The following SCN9A variants were observed in gnomAD, a reference collection of about 807,000 sequenced individuals.
SCN9A encodes sodium channel protein type 9 subunit alpha.
Under a neutral mutation model 187.0 loss-of-function variants are expected in SCN9A, and 131 were observed. The ratio of observed to expected loss-of-function variants is 0.70; its 90% CI spans 0.61 to 0.81. The LOEUF (loss-of-function observed/expected upper bound fraction) is 0.81, where lower values mean the gene tolerates loss of function less well. Among genes scored for constraint, SCN9A ranks in the 30% least tolerant of loss-of-function variants. The pLI is 0.00. For synonymous variants in SCN9A, 809 were observed against 808.6 expected (o/e 1.00, Z -0.01); for missense variants, 2,252 against 2,396.6 (o/e 0.94, Z 1.26).
intron 1 of SCN9A, among the ~76,000 whole-genome samples, chr2:166,372,040 T>C (rs1251596604): frequency 2.0e-5 from 3 of 152,012 alleles, no homozygotes; most frequent in African/African-American, 7.3e-5. Context: ...TCTTTAAGCA[T>C]AGTCTGCAAA....
chr2:166,295,649 T>C (rs562914143), intron 7 of SCN9A, among the ~76,000 whole-genome samples: 68 of 152,334 alleles, frequency 4.5e-4, no homozygotes, highest in Non-Finnish European at 7.5e-4. Flanking sequence ...AACATCCTTA[T>C]GTGGTACAAT....
intron 18 of SCN9A, among the ~76,000 whole-genome samples, chr2:166,247,474 T>C (rs58400973): frequency 0.01 from 1,581 of 152,188 alleles, 28 homozygotes; most frequent in African/African-American, 0.035. Flanking sequence ...AGGAAGATGA[T>C]TTGGCTTCTC....
Position 166,286,586 on chromosome 2 carries a change from C to T in SCN9A, c.1352G>A (p.Arg451Lys). The change falls in exon 11 of 27, where the codon AGG becomes AAG. Residue 451 changes from arginine (R) to lysine (K), a missense_variant. Around this residue, in one of 7 missense-constraint regions of SCN9A, gnomAD observed 1,013 missense variants for 997.4 expected, o/e 1.02. Coordinates refer to ENST00000642356, the MANE Select transcript of SCN9A (RefSeq NM_001365536.1). ...AAAAAEYTSIRRSRIMGLSES... is the reference protein window; with the variant it reads ...AAAAAEYTSIKRSRIMGLSES... Reference sequence around the variant, plus strand: ...TGAGAGGCCCATAATTCTGCTTCTCCTAATACTTGTATATTCAGCCGCTGC... The same window carrying T: ...TGAGAGGCCCATAATTCTGCTTCTCTTAATACTTGTATATTCAGCCGCTGC... The T allele has an allele frequency of 1.9e-6, 3 of 1,589,146 alleles. No individual in the cohort carries two copies. The highest frequency in any genetic ancestry group is 2.6e-6 in the Non-Finnish European group (3 of 1,171,196).
chr2:166,207,089 G>A (rs142565184), intron 24 of SCN9A, among the ~76,000 whole-genome samples: 4 of 152,254 alleles, frequency 2.6e-5, no homozygotes, highest in East Asian at 1.9e-4. Context: ...AATTTCTTAA[G>A]TTAGCTGTAA....
At chr2:166,304,529 T>C (rs961037373) in intron 5 of SCN9A, among the ~76,000 whole-genome samples, 200 bp from the exon 6 acceptor site, 2 of 152,114 alleles carry the variant, frequency 1.3e-5, no homozygotes, top group African/African-American at 4.8e-5. Context: ...AGATATTATA[T>C]ATTATTAAAT....
chr2:166,336,903 C>T (rs192233893), intron 1 of SCN9A, among the ~76,000 whole-genome samples: 2 of 152,086 alleles, frequency 1.3e-5, no homozygotes, highest in Admixed American at 6.6e-5. Context: ...TGATTATTTT[C>T]ATTATTTTTA....
At chr2:166,285,868 T>G (rs62178473) in intron 11 of SCN9A, among the ~76,000 whole-genome samples, 2 of 152,178 alleles carry the variant, frequency 1.3e-5, no homozygotes, top group Admixed American at 6.6e-5. Flanking sequence ...ATATTAGTAG[T>G]TGATGTGGTT....
rs201261352 is a variant in SCN9A, at chr2:166,289,681, T to A, written c.1108-1038A>T. On this transcript the variant is annotated intron_variant, in intron 9 of 26. Coordinates refer to ENST00000642356, the MANE Select transcript of SCN9A (RefSeq NM_001365536.1). Reference sequence around the variant, plus strand: ...GTCTTTACCATAGAATGATATGTAATCTTTTGGGTATATACCCAGTAATGG... The same window carrying A: ...GTCTTTACCATAGAATGATATGTAAACTTTTGGGTATATACCCAGTAATGG... Among the ~76,000 whole-genome samples the A allele has an allele frequency of 8.5e-5, 13 of 152,292 alleles. No homozygotes were observed. The East Asian group carries it at 2.3e-3, about 27-fold the overall frequency.
intron 17 of SCN9A, among the ~76,000 whole-genome samples, chr2:166,268,921 C>T (rs992633029): frequency 2.0e-5 from 3 of 151,736 alleles, no homozygotes; most frequent in Non-Finnish European, 2.9e-5. Flanking sequence ...ATGCAGAAAT[C>T]GATGACAACA....
intron 24 of SCN9A, among the ~76,000 whole-genome samples, chr2:166,214,912 T>C (rs552268177): frequency 1.2e-4 from 19 of 152,038 alleles, no homozygotes; most frequent in African/African-American, 4.3e-4. Flanking sequence ...TGCAGTTTCT[T>C]ATTAGAGGAA....
At chr2:166,304,388 G>A in intron 5 of SCN9A, 59 bp from the exon 6 acceptor site, 1 of 1,431,874 alleles carries the variant, frequency 7.0e-7, no homozygotes, top group Non-Finnish European at 9.8e-7. Flanking sequence ...ACTTACCTGA[G>A]CCTTTAGTCA....
intron 20 of SCN9A, among the ~76,000 whole-genome samples, chr2:166,237,512 G>A: frequency 6.6e-6 from 1 of 152,138 alleles, no homozygotes; most frequent in East Asian, 1.9e-4. Context: ...TTGAGATAGA[G>A]ACAATTGTGT....
chr2:166,359,264 T>G (rs1445199708), intron 1 of SCN9A, among the ~76,000 whole-genome samples: 1 of 152,160 alleles, frequency 6.6e-6, no homozygotes, highest in Non-Finnish European at 1.5e-5. Flanking sequence ...TATTTTTATT[T>G]TCATTGGGAT....
chr2:166,202,296 C>CT (rs1051112070), intron 26 of SCN9A, among the ~76,000 whole-genome samples: 5 of 149,498 alleles, frequency 3.3e-5, no homozygotes, highest in Non-Finnish European at 6.0e-5. Context: ...CTACTAGAAT[C>CT]TTTTTTTTTA....
At chr2:166,342,920 A>C (rs996051612) in intron 1 of SCN9A, among the ~76,000 whole-genome samples, 3 of 152,202 alleles carry the variant, frequency 2.0e-5, no homozygotes, top group African/African-American at 7.2e-5. Flanking sequence ...GAACTCAGGC[A>C]AACATGTCCC....
At chr2:166,220,854 A>G (rs1260398701) in intron 24 of SCN9A, among the ~76,000 whole-genome samples, 1 of 150,918 alleles carries the variant, frequency 6.6e-6, no homozygotes, top group Non-Finnish European at 1.5e-5. Context: ...AGACATCCCA[A>G]TCTGAAAGAA....
At chr2:166,298,549 A>C (rs1036080123) in intron 7 of SCN9A, 7 of 152,204 alleles carry the variant, frequency 4.6e-5, no homozygotes, top group Non-Finnish European at 7.3e-5. Flanking sequence ...GGCACCAGAA[A>C]ATGCTTTTAG....
intron 19 of SCN9A, among the ~76,000 whole-genome samples, chr2:166,240,396 A>G (rs1695514590): frequency 6.6e-6 from 1 of 152,244 alleles, no homozygotes. Flanking sequence ...TACAAACACC[A>G]GCTTCTTGAA....
At chr2:166,231,355 T>C (rs1470604836) in intron 21 of SCN9A, among the ~76,000 whole-genome samples, 1 of 152,188 alleles carries the variant, frequency 6.6e-6, no homozygotes, top group African/African-American at 2.4e-5. Context: ...TCTTTTATAC[T>C]TGGAAACCGT....
Sources: gnomAD v4.1 joint callset for allele counts (sites outside exome capture counted in the v4.1 genomes callset) on GRCh38, gnomAD v4.1.1 for gene constraint, gnomAD v4.1.1 regional missense constraint, MANE v1.5 for transcripts, NCBI Gene and HGNC (gene_info 2026-07-23, HGNC 2026-07-21) for gene names.